The following DENND2B variants were observed in gnomAD, a reference collection of about 807,000 sequenced individuals.
DENND2B encodes DENN domain-containing protein 2B.
A neutral mutation model predicts 116.0 loss-of-function variants in DENND2B; 32 were observed. That is an observed-to-expected ratio of 0.28 (90% CI 0.21 to 0.37). The LOEUF is 0.37. Ranked by LOEUF, DENND2B falls within the 10% of genes least tolerant of loss-of-function variation. DENND2B has a pLI of 1.00. For synonymous variants in DENND2B, 588 were observed against 583.9 expected, an observed-to-expected ratio of 1.01 and a Z score of -0.10; for missense variants, 1,276 against 1,477.7, an observed-to-expected ratio of 0.86 and a Z score of 2.24.
intron 1 of DENND2B, among the ~76,000 whole-genome samples, chr11:8,910,538 A>C (rs1179634381): frequency 6.6e-6 from 1 of 151,426 alleles, no homozygotes. Flanking sequence ...GGGACTACAG[A>C]TGCGCGCCAC....
chr11:8,797,257 C>G (rs2059895837), intron 1 of DENND2B, among the ~76,000 whole-genome samples: 1 of 152,180 alleles, frequency 6.6e-6, no homozygotes, highest in Admixed American at 6.5e-5. Context: ...ATGCTTAGAA[C>G]AGAGTAAACA....
At chr11:8,778,434 CCT>C (rs2057982839) in intron 1 of DENND2B, among the ~76,000 whole-genome samples, 1 of 152,200 alleles carries the variant, frequency 6.6e-6, no homozygotes, top group African/African-American at 2.4e-5. Context: ...TCCCCCTGCC[CCT>C]GACAGCTCAA....
At chr11:8,792,910 T>C (rs1348779997) in intron 1 of DENND2B, among the ~76,000 whole-genome samples, 1 of 152,206 alleles carries the variant, frequency 6.6e-6, no homozygotes, top group Admixed American at 6.5e-5. Flanking sequence ...AGCAAATCTT[T>C]CCTTCTAGGA....
chr11:8,741,332 A>C (rs2050168126), intron 2 of DENND2B, among the ~76,000 whole-genome samples: 1 of 152,180 alleles, frequency 6.6e-6, no homozygotes. Context: ...CTTCTCCGGG[A>C]GGGAATGATG....
chr11:8,756,197 C>T (rs1373050723), intron 1 of DENND2B, among the ~76,000 whole-genome samples: 2 of 151,878 alleles, frequency 1.3e-5, no homozygotes, highest in Non-Finnish European at 2.9e-5. Flanking sequence ...GAAACTGAAA[C>T]ATGTTAAAAA....
At chr11:8,781,682 G>T (rs770978994) in intron 1 of DENND2B, among the ~76,000 whole-genome samples, 4 of 151,608 alleles carry the variant, frequency 2.6e-5, no homozygotes, top group Non-Finnish European at 4.4e-5. Context: ...TAAAAGATAA[G>T]CCACAGACAG....
At chr11:8,743,298 C>A (rs2134000434) in intron 2 of DENND2B, among the ~76,000 whole-genome samples, 1 of 152,164 alleles carries the variant, frequency 6.6e-6, no homozygotes, top group East Asian at 1.9e-4. Flanking sequence ...GCCTATAATT[C>A]CAGCACTTTG....
At chr11:8,867,931 A>G (rs2063642252) in intron 2 of DENND2B, among the ~76,000 whole-genome samples, 1 of 152,200 alleles carries the variant, frequency 6.6e-6, no homozygotes, top group South Asian at 2.1e-4. Context: ...GAAAAGGCAC[A>G]TCAACTTACC....
At chr11:8,889,992 C>T (rs866070294) in intron 1 of DENND2B, among the ~76,000 whole-genome samples, 2 of 152,188 alleles carry the variant, frequency 1.3e-5, no homozygotes, top group African/African-American at 4.8e-5. Context: ...AGGCACCCCC[C>T]AGTAGGGGCG....
Position 8,711,207 on chromosome 11 carries a change from G to C in DENND2B, c.2197C>G (p.Arg733Gly), listed in dbSNP as rs753531052. Residue 733 changes from arginine to glycine, a missense_variant, in exon 10 of 20, where the codon CGA becomes GGA. Physicochemically the swap from Arg to Gly is moderately radical, Grantham distance 125. This residue lies in a region of DENND2B where 420 missense variants were observed against 631.1 expected (regional missense o/e 0.67). Coordinates refer to ENST00000313726, the MANE Select transcript of DENND2B (RefSeq NM_213618.2). ...GCTTTGAGCCTTTCCTCTGCCTCTC[G>C]CATCTGCTTGGTGGGTCGGTCCAGC... The part of the protein sequence containing the change: ...PKLDRPTKQM[R>G]EAEERLKAIP... 1.2e-6 allele frequency: 2 copies of C among 1,613,808 alleles called. No homozygotes were observed. Among genetic ancestry groups the C allele is most frequent in the Non-Finnish European group, 8.5e-7 (1 of 1,180,022 alleles).
intron 1 of DENND2B, among the ~76,000 whole-genome samples, chr11:8,896,311 G>T (rs909929744): frequency 1.1e-4 from 16 of 152,110 alleles, no homozygotes; most frequent in Non-Finnish European, 1.6e-4. Context: ...TATCCTAAAA[G>T]AATATATAAA....
At chr11:8,848,675 T>C (rs2062893703) in intron 3 of DENND2B, among the ~76,000 whole-genome samples, 1 of 152,126 alleles carries the variant, frequency 6.6e-6, no homozygotes, top group South Asian at 2.1e-4. Flanking sequence ...ATTGGCAAAA[T>C]GTTAATAATA....
chr11:8,791,148 G>C (rs1461258037), intron 1 of DENND2B, among the ~76,000 whole-genome samples: 1 of 152,120 alleles, frequency 6.6e-6, no homozygotes, highest in Non-Finnish European at 1.5e-5. Context: ...TTGGCCTACT[G>C]CCTCTCCTCA....
chr11:8,701,730 G>A (rs1368728627), intron 14 of DENND2B, among the ~76,000 whole-genome samples: 1 of 151,668 alleles, frequency 6.6e-6, no homozygotes, highest in Non-Finnish European at 1.5e-5. Context: ...TTTAAACCTT[G>A]GCTGTCTAGA....
chr11:8,717,834 T>C lies in DENND2B; in HGVS notation c.1536A>G (p.Gly512=). Residue 512 remains glycine, a synonymous_variant, in exon 5 of 20, where the codon GGA becomes GGG. Transcript: ENST00000313726. ...EDVDLKSRRA[G]RKSQQLSENS... ...TCTCAGACAGTTGCTGGGATTTTCG[T>C]CCTGCTCTTCGGCTCTTTAAGTCCA... 6.2e-7 allele frequency: 1 copy of C among 1,613,552 alleles called. No individual in the cohort carries two copies. The highest frequency in any genetic ancestry group is 8.5e-7 in the Non-Finnish European group (1 of 1,179,600).
chr11:8,910,736 G>C (rs1462981334), intron 1 of DENND2B: 1 of 153,122 alleles, frequency 6.5e-6, no homozygotes, highest in East Asian at 2.0e-4. Flanking sequence ...GTGTGTGTGT[G>C]TCTACACGGG....
chr11:8,885,682 T>C (rs574828662), intron 1 of DENND2B, among the ~76,000 whole-genome samples: 59 of 152,320 alleles, frequency 3.9e-4, no homozygotes, highest in Non-Finnish European at 8.1e-4. Flanking sequence ...ATTTTTCAAA[T>C]ATAATGTCTA....
At chr11:8,822,674 G>T (rs1428550058) in intron 4 of DENND2B, among the ~76,000 whole-genome samples, 3 of 152,170 alleles carry the variant, frequency 2.0e-5, no homozygotes, top group Non-Finnish European at 4.4e-5. Context: ...TTTCCCTTTC[G>T]AACTCTGCAG....
intron 4 of DENND2B, among the ~76,000 whole-genome samples, chr11:8,836,039 G>A (rs80278456): frequency 0.02 from 3,021 of 151,964 alleles, 37 homozygotes; most frequent in Middle Eastern, 0.034. Context: ...AGGGCTTATG[G>A]AATACATAAA....
Sources: allele counts gnomAD v4.1 joint callset (sites outside exome capture counted in the v4.1 genomes callset), GRCh38; gene constraint gnomAD v4.1.1; regional missense constraint gnomAD v4.1.1; transcripts MANE v1.5; gene names NCBI Gene and HGNC (gene_info 2026-07-23, HGNC 2026-07-21).